The following LMNTD1 variants were observed in gnomAD, a reference collection of about 807,000 sequenced individuals.
LMNTD1 encodes lamin tail domain-containing protein 1.
LMNTD1 carries 35 observed loss-of-function variants against 50.9 expected under a neutral mutation model. The observed-to-expected ratio is 0.69, with a 90% CI of 0.53 to 0.91. The LOEUF (loss-of-function observed/expected upper bound fraction) is 0.91, where lower values mean the gene tolerates loss of function less well. LMNTD1 is among the 40% of genes least tolerant of loss of function. The pLI, the probability that LMNTD1 is intolerant of heterozygous loss-of-function variation, is 0.00. For synonymous variants in LMNTD1, 153 were observed against 161.9 expected (o/e 0.94, Z 0.42); for missense variants, 470 against 475.5 (o/e 0.99, Z 0.11).
At chr12:25,501,365 C>T (rs1038675540) in intron 9 of LMNTD1, among the ~76,000 whole-genome samples, 9 of 152,128 alleles carry the variant, frequency 5.9e-5, no homozygotes, top group African/African-American at 2.2e-4. Context: ...AGAAGTAGAA[C>T]CTAAATCTTT....
At chr12:25,582,010 C>T (rs1385586106) in intron 1 of LMNTD1, among the ~76,000 whole-genome samples, 1 of 152,198 alleles carries the variant, frequency 6.6e-6, no homozygotes, top group Non-Finnish European at 1.5e-5. Flanking sequence ...TTCCTTTATT[C>T]CTCGACTTTT....
rs148184614 is a variant in LMNTD1 at position 25,533,619 on chromosome 12, AG to A, written c.492-6665del. Among the ~76,000 whole-genome samples, 332 of 152,264 alleles carry A rather than the reference AG, an allele frequency of 2.2e-3. 2 individuals are homozygous for A. The highest frequency in any genetic ancestry group is 7.7e-3 in the African/African-American group (321 of 41,552). On this transcript the variant is annotated intron_variant, in intron 4 of 9. Coordinates refer to ENST00000458174, the MANE Select transcript of LMNTD1 (RefSeq NM_001145728.2). ...AGTTGGGGATATATGGGCTGATGAA[AG>A]GGTACAGCATTTAAGAGTCCTTAAA...
At chr12:25,490,702 C>T (rs921413795) in intron 9 of LMNTD1, among the ~76,000 whole-genome samples, 1 of 152,144 alleles carries the variant, frequency 6.6e-6, no homozygotes, top group African/African-American at 2.4e-5. Context: ...GCTGAGCCAG[C>T]AATCCTAATT....
chr12:25,551,309 C>T (rs1022919002), intron 2 of LMNTD1, among the ~76,000 whole-genome samples: 1 of 152,166 alleles, frequency 6.6e-6, no homozygotes, highest in Admixed American at 6.5e-5. Flanking sequence ...GAAGGCTTAA[C>T]AAAATCTTTG....
chr12:25,545,933 A>T (rs963547540), intron 4 of LMNTD1, among the ~76,000 whole-genome samples: 2 of 151,658 alleles, frequency 1.3e-5, no homozygotes, highest in Non-Finnish European at 3.0e-5. Flanking sequence ...TTTAGTCTTA[A>T]TATCAACTTT....
intron 1 of LMNTD1, among the ~76,000 whole-genome samples, chr12:25,610,720 G>A (rs1043072665): frequency 6.6e-6 from 1 of 152,154 alleles, no homozygotes; most frequent in South Asian, 2.1e-4. Flanking sequence ...ACAACATGGG[G>A]CTTGGCATCT....
At chr12:25,623,196 A>G (rs1167967263) in intron 1 of LMNTD1, among the ~76,000 whole-genome samples, 1 of 152,112 alleles carries the variant, frequency 6.6e-6, no homozygotes, top group Middle Eastern at 3.2e-3. Context: ...GCTATGTTAA[A>G]GCACAGTACA....
intron 1 of LMNTD1, among the ~76,000 whole-genome samples, chr12:25,601,000 C>T (rs1945956473): frequency 6.6e-6 from 1 of 151,902 alleles, no homozygotes; most frequent in Non-Finnish European, 1.5e-5. Context: ...TCTGCACCCC[C>T]ATGTATGTTG....
Position 25,526,892 on chromosome 12 carries a change from G to C in LMNTD1, c.555C>G (p.Asn185Lys). 6.2e-7 allele frequency: 1 copy of C among 1,612,958 alleles called. No homozygotes were observed. Among genetic ancestry groups the C allele is most frequent in the Non-Finnish European group, 8.5e-7 (1 of 1,179,304 alleles). Residue 185 changes from asparagine to lysine, a missense_variant, in exon 5 of 10, where the codon AAC (asparagine) becomes AAG (lysine). Transcript: ENST00000458174. The part of the protein sequence containing the change: ...NVKGLFVKLI[N>K]SSLDKEMAIG... ...TTGCCATTTCTTTGTCAAGGGAAGAGTTAATGAGCTTCACGAACAAACCCT... is the reference window on the plus strand; with the variant it reads ...TTGCCATTTCTTTGTCAAGGGAAGACTTAATGAGCTTCACGAACAAACCCT...
At chr12:25,523,816 TAAA>T (rs745735879) in intron 6 of LMNTD1, among the ~76,000 whole-genome samples, 16 of 80,552 alleles carry the variant, frequency 2.0e-4, no homozygotes, top group Admixed American at 2.9e-4. Context: ...GTGACTCAGG[TAAA>T]AAAAAAAAAA....
At chr12:25,571,979 G>A (rs913512301) in intron 1 of LMNTD1, among the ~76,000 whole-genome samples, 3 of 152,166 alleles carry the variant, frequency 2.0e-5, no homozygotes, top group African/African-American at 7.2e-5. Context: ...GCTCAACCAA[G>A]TGGATTTCTA....
At chr12:25,539,760 C>A in intron 4 of LMNTD1, among the ~76,000 whole-genome samples, 1 of 123,346 alleles carries the variant, frequency 8.1e-6, no homozygotes, top group African/African-American at 2.9e-5. Context: ...CACAAAAAAC[C>A]CTTTAAAAAA....
chr12:25,476,761 A>G (rs1938278744), intron 9 of LMNTD1, among the ~76,000 whole-genome samples: 1 of 152,164 alleles, frequency 6.6e-6, no homozygotes, highest in South Asian at 2.1e-4. Context: ...GGATATTTAA[A>G]CCATGTTGGA....
intron 1 of LMNTD1, among the ~76,000 whole-genome samples, chr12:25,590,222 G>A (rs1482684188): frequency 2.6e-5 from 4 of 152,194 alleles, no homozygotes; most frequent in African/African-American, 4.8e-5. Flanking sequence ...GCAGTGTGGT[G>A]AGGAGAGTGT....
rs773555706 is a variant in LMNTD1, at chr12:25,549,466, A to G, written c.170T>C (p.Leu57Ser). 4.3e-6 allele frequency: 7 copies of G among 1,613,472 alleles called. No homozygotes were observed. Among genetic ancestry groups the G allele is most frequent in the Non-Finnish European group, 5.9e-6 (7 of 1,179,552 alleles). ...MLGSVATTLP[L>S]SSSNSSGMPL... ...CATTCCACTGGAATTTGAAGATGACAATGGCAGTGTTGTGGCAACTGAACC... is the reference window on the plus strand; with the variant it reads ...CATTCCACTGGAATTTGAAGATGACGATGGCAGTGTTGTGGCAACTGAACC... The change falls in exon 3 of 10, where the codon TTG (leucine) becomes TCG (serine). Residue 57 changes from leucine (L) to serine (S), a missense_variant. Leu to Ser is a moderately radical substitution (Grantham distance 145). Coordinates refer to ENST00000458174, the MANE Select transcript of LMNTD1 (RefSeq NM_001145728.2).
intron 1 of LMNTD1, among the ~76,000 whole-genome samples, chr12:25,625,249 C>A (rs1372234553): frequency 6.6e-6 from 1 of 152,180 alleles, no homozygotes; most frequent in Non-Finnish European, 1.5e-5. Flanking sequence ...TAGCTTTCAT[C>A]CTTGGTTTCA....
At chr12:25,570,479 A>C (rs1944741408) in intron 1 of LMNTD1, among the ~76,000 whole-genome samples, 1 of 152,184 alleles carries the variant, frequency 6.6e-6, no homozygotes, top group South Asian at 2.1e-4. Context: ...ACAAATACAC[A>C]TATTAAGTGT....
In LMNTD1 at chr12:25,499,586, G is replaced by T. The variant is rs535302447; in HGVS notation, c.*22+4152C>A. The stretch of plus-strand genomic sequence containing the variant: ...ATATGGGGATCAAAATTGTTTGGAG[G>T]CAGCCAGTTTACTGACCCATTTTTA... On this transcript the variant is annotated intron_variant, in intron 9 of 9. Transcript: ENST00000458174. Among the ~76,000 whole-genome samples the T allele has an allele frequency of 9.2e-5, 14 of 152,174 alleles. 1 individual carries two copies. The highest frequency in any genetic ancestry group is 3.4e-4 in the African/African-American group (14 of 41,524).
chr12:25,479,350 C>G (rs1196959040), intron 9 of LMNTD1, among the ~76,000 whole-genome samples: 1 of 152,170 alleles, frequency 6.6e-6, no homozygotes. Flanking sequence ...TCTACTTCTA[C>G]CCCTTGATTC....
Sources: gnomAD v4.1 joint callset for allele counts (sites outside exome capture counted in the v4.1 genomes callset) on GRCh38, gnomAD v4.1.1 for gene constraint, MANE v1.5 for transcripts, NCBI Gene and HGNC (gene_info 2026-07-23, HGNC 2026-07-21) for gene names.